C2: variants seen among roughly 807,000 people sequenced by gnomAD.
C2 encodes the protein C3/C5 convertase.
In C2, 64 loss-of-function variants were observed where a neutral mutation model predicts 85.2. That is an observed-to-expected ratio of 0.75 (90% CI 0.61 to 0.92). The LOEUF (loss-of-function observed/expected upper bound fraction) is 0.92. C2 is among the 40% of genes least tolerant of loss of function. The pLI is 0.00. For missense variants in C2, 820 were observed against 971.6 expected (o/e 0.84, Z 2.07); for synonymous variants, 311 against 370.8 (o/e 0.84, Z 1.85).
At position 31,945,585 on chromosome 6, in the gene C2, C is replaced by G. The variant is rs910119452; in HGVS notation, c.*228C>G. 1 of 595,524 alleles carries G rather than the reference C, an allele frequency of 1.7e-6. No homozygotes were observed. The highest frequency in any genetic ancestry group is 1.9e-5 in the African/African-American group (1 of 53,840). The allele number at this position is 595,524 out of a possible 1,614,324, so 36.9% of individuals were successfully genotyped here. On this transcript the variant is annotated 3_prime_UTR_variant, in exon 18 of 18. Coordinates refer to ENST00000299367, the MANE Select transcript of C2 (RefSeq NM_000063.6). The surrounding 1 kb of genome is among the most constrained non-coding windows in gnomAD (Gnocchi z 5.3). ...CCGCTCCTTGGCCTGTCCCCAGATT[C>G]CTTCCCTGGTTGACTTGACTCATGC... is the stretch of plus-strand genomic sequence containing the variant.
At chr6:31,927,550 A>G, upstream of C2, 1 of 1,493,320 alleles carries the variant, frequency 6.7e-7, no homozygotes, top group South Asian at 1.4e-5. The surrounding 1 kb of genome is among the most constrained non-coding windows in gnomAD (Gnocchi z 4.7). Flanking sequence ...TCAGGGAGAC[A>G]GGGCAAAGGT....
Position 31,920,766 on chromosome 6 carries a change from C to T in C2, c.-100+740C>T, listed in dbSNP as rs998400235. Among the ~76,000 whole-genome samples the T allele has an allele frequency of 1.3e-5, 2 of 152,148 alleles. No homozygotes were observed. Among genetic ancestry groups the T allele is most frequent in the African/African-American group, 4.8e-5 (2 of 41,416 alleles). ...GAGTTTTTGTCTGAAAGAGATATGG[C>T]GCCTACAGGAGGTCAGGGACAGGCC... On this transcript the variant is annotated intron_variant, in intron 1 of 3. Coordinates refer to the C2 transcript ENST00000413154. This position sits in a 1 kb window ranked among gnomAD's most constrained non-coding sequence, Gnocchi z 5.6.
In C2 at chr6:31,937,437, T is replaced by C. The variant is rs553732141; in HGVS notation, c.1107T>C (p.His369=). 8.7e-6 allele frequency: 14 copies of C among 1,612,818 alleles called. No individual in the cohort carries two copies. Among genetic ancestry groups the C allele is most frequent in the South Asian group, 6.6e-5 (6 of 91,080 alleles). ...CGATGGCCTGGCAGGAAATCCGACA[T>C]GCCATCATCCTTCTGACAGATGGTG... ...METMAWQEIR[H]AIILLTDGKS... is the part of the protein sequence containing the mutation. Residue 369 remains histidine (H), a synonymous_variant, in exon 8 of 18, where the codon CAT becomes CAC. Coordinates refer to ENST00000299367, the MANE Select transcript of C2 (RefSeq NM_000063.6).
rs757266578 is a variant in C2 at position 31,933,746 on chromosome 6, C to T, written c.579C>T (p.Gly193=). Residue 193 remains glycine, a synonymous_variant, in exon 4 of 18, where the codon GGC becomes GGT. Coordinates refer to ENST00000299367, the MANE Select transcript of C2 (RefSeq NM_000063.6). ...LTGSSERECQ[G]NGVWSGTEPI... ...GGTCTTCGGAGCGGGAGTGCCAGGG[C>T]AACGGGGTCTGGAGTGGAACGGAGC... 3 of 1,613,684 alleles carry T rather than the reference C, an allele frequency of 1.9e-6. No homozygotes were observed. The Admixed American group carries it at 5.0e-5, about 27-fold the overall frequency.
chr6:31,911,072 G>C (rs1028168854), intron 1 of C2, among the ~76,000 whole-genome samples: 1 of 151,846 alleles, frequency 6.6e-6, no homozygotes, highest in Admixed American at 6.6e-5. Context: ...ACCAAAGCGG[G>C]TGGATCACCT....
intron 1 of C2, among the ~76,000 whole-genome samples, chr6:31,912,453 T>C (rs1385583060): frequency 2.0e-5 from 3 of 152,162 alleles, no homozygotes; most frequent in Non-Finnish European, 4.4e-5. Context: ...AAACCCTCAC[T>C]CCTTTCCTGT....
intron 2 of C2, 140 bp from the exon 3 acceptor site, chr6:31,928,592 A>T: frequency 2.5e-6 from 2 of 789,362 alleles, no homozygotes; most frequent in Non-Finnish European, 4.1e-6. Flanking sequence ...GCAATTTCAC[A>T]TGTTGCAACC....
At chr6:31,939,429 T>C in intron 9 of C2, 109 bp downstream of exon 9, 1 of 898,668 alleles carries the variant, frequency 1.1e-6, no homozygotes, top group Non-Finnish European at 1.8e-6. Flanking sequence ...CATGGTTTTA[T>C]TTCTGCGTTG....
chr6:31,899,845 C>A (rs773366292), upstream of C2: 28 of 1,418,106 alleles, frequency 2.0e-5, no homozygotes, highest in Non-Finnish European at 2.6e-5. Context: ...AGACCCCCCA[C>A]CCCCCAATTC....
chr6:31,910,465 A>G (rs962146867), intron 1 of C2, among the ~76,000 whole-genome samples: 10 of 151,652 alleles, frequency 6.6e-5, no homozygotes, highest in African/African-American at 2.4e-4. Flanking sequence ...AGTAGCTAGG[A>G]CTACAGGCAC....
In C2 at chr6:31,944,791, G is replaced by C; in HGVS notation, c.1967G>C (p.Arg656Thr). The C allele has an allele frequency of 6.2e-7, 1 of 1,613,120 alleles. No homozygotes were observed. Among genetic ancestry groups the C allele is most frequent in the Non-Finnish European group, 8.5e-7 (1 of 1,180,024 alleles). The change falls in exon 16 of 18, where the codon AGG (arginine) becomes ACG (threonine). Residue 656 changes from arginine to threonine, a missense_variant. Arg to Thr is a moderately conservative substitution (Grantham distance 71). Transcript: ENST00000299367. The surrounding 1 kb of genome is among the most constrained non-coding windows in gnomAD (Gnocchi z 5.1). ...KTMFPNLTDV[R>T]EVVTDQFLCS... The stretch of plus-strand genomic sequence containing the variant: ...ATGTTCCCCAACTTGACAGATGTCA[G>C]GGAGGTGGTGACAGACCAGTTCCTA...
At chr6:31,940,301 T>C (rs893757572) in intron 9 of C2, among the ~76,000 whole-genome samples, 4 of 152,122 alleles carry the variant, frequency 2.6e-5, no homozygotes, top group African/African-American at 9.7e-5. Flanking sequence ...ACGACCGTCG[T>C]CGTTATCATC....
At chr6:31,902,474 A>G (rs1474962469) in intron 1 of C2, among the ~76,000 whole-genome samples, 1 of 152,150 alleles carries the variant, frequency 6.6e-6, no homozygotes, top group African/African-American at 2.4e-5. Flanking sequence ...TCTCCGGTCC[A>G]GCTGTGCCGA....
chr6:31,939,376 C>CT, intron 9 of C2, 56 bp downstream of exon 9: 1 of 1,292,400 alleles, frequency 7.7e-7, no homozygotes. Context: ...GTCATGAGAT[C>CT]TTCAGCCAGG....
At chr6:31,937,249 G>T (rs1244709613) in intron 7 of C2, 70 bp from the exon 8 acceptor site, 1 of 1,471,108 alleles carries the variant, frequency 6.8e-7, no homozygotes, top group Non-Finnish European at 9.5e-7. Context: ...TGGGGGAATA[G>T]AGTGATTCCC....
intron 1 of C2, among the ~76,000 whole-genome samples, chr6:31,913,001 C>A (rs1768225434): frequency 7.9e-6 from 1 of 126,780 alleles, no homozygotes; most frequent in Non-Finnish European, 1.6e-5. Context: ...CAAGACCACT[C>A]TGGGTAAGAT....
At chr6:31,918,764 G>A (rs1768739983), upstream of C2, among the ~76,000 whole-genome samples, 1 of 151,472 alleles carries the variant, frequency 6.6e-6, no homozygotes, top group Non-Finnish European at 1.5e-5. Context: ...GCTGGGTGTA[G>A]TGGCGGGCAC....
chr6:31,920,644 C>T lies in C2; in HGVS notation c.-100+618C>T, dbSNP rs1295632363. 6.6e-6 allele frequency among the ~76,000 whole-genome samples: 1 copy of T among 152,094 alleles called. No individual in the cohort carries two copies. The highest frequency in any genetic ancestry group is 1.5e-5 in the Non-Finnish European group (1 of 68,014). The stretch of plus-strand genomic sequence containing the variant: ...AACATGCACCATGCCCCCCACCAGC[C>T]CAAGGACAGTGGAGACCTCAGAGGG... On this transcript the variant is annotated intron_variant, in intron 1 of 3. Coordinates refer to the C2 transcript ENST00000413154. The surrounding 1 kb of genome is among the most constrained non-coding windows in gnomAD (Gnocchi z 5.6).
Position 31,931,935 on chromosome 6 carries a change from C to T in C2, c.443-1675C>T, listed in dbSNP as rs1769810535. Among the ~76,000 whole-genome samples the T allele has an allele frequency of 1.3e-4, 12 of 90,530 alleles. No individual in the cohort carries two copies. The South Asian group carries it at 4.1e-3, about 31-fold the overall frequency. 59.4% of individuals were successfully genotyped at this position (90,530 alleles called of 152,430 possible). A position where few individuals can be genotyped will look rare whatever the true frequency, so the allele number is the denominator to read the frequency against. On this transcript the variant is annotated intron_variant, in intron 3 of 17. Transcript: ENST00000299367. ...CTCCCGGACGGCGCGGCTGGCCGGG[C>T]GGGGGGCTGATCCCCCCACCTCCCT... is the stretch of plus-strand genomic sequence containing the variant.
Sources: allele counts gnomAD v4.1 joint callset (sites outside exome capture counted in the v4.1 genomes callset), GRCh38; gene constraint gnomAD v4.1.1; non-coding constraint Gnocchi (gnomAD v3.1); transcripts MANE v1.5; gene names NCBI Gene and HGNC (gene_info 2026-07-23, HGNC 2026-07-21).